ITGA7: variants seen among roughly 807,000 people sequenced by gnomAD.
ITGA7 encodes the protein integrin alpha-7.
Under a neutral mutation model 131.6 loss-of-function variants are expected in ITGA7, and 84 were observed. The ratio of observed to expected loss-of-function variants is 0.64; its 90% confidence interval spans 0.54 to 0.77. ITGA7 has a LOEUF of 0.77. ITGA7 is among the 30% of genes least tolerant of loss of function. The pLI, the probability that ITGA7 is intolerant of heterozygous loss-of-function variation, is 0.00. For synonymous variants in ITGA7, 548 were observed against 600.7 expected, an observed-to-expected ratio of 0.91 and a Z score of 1.28; for missense variants, 1,399 against 1,482.9, an observed-to-expected ratio of 0.94 and a Z score of 0.93.
upstream of ITGA7, among the ~76,000 whole-genome samples, chr12:55,709,083 A>C (rs575403218): frequency 2.7e-4 from 41 of 152,238 alleles, no homozygotes; most frequent in Non-Finnish European, 5.1e-4. Context: ...TTGTGAATAT[A>C]CATCTGTCCA....
chr12:55,699,910 G>T lies in ITGA7; in HGVS notation c.750C>A (p.Leu250=), dbSNP rs984557410. ...GGGCCAAGTCTCCGGCTGGTCCTGG[G>T]AGCCGGTCAGCAGGGTCCAAAGTTT... ...VYKTLDPADR[L]PGPAGDLALN... Residue 250 remains leucine (L), a synonymous_variant, in exon 5 of 25, where the codon CTC becomes CTA. Coordinates refer to ENST00000257879, the MANE Select transcript of ITGA7 (RefSeq NM_002206.3). 1 of 1,613,488 alleles carries T rather than the reference G, an allele frequency of 6.2e-7. No individual in the cohort carries two copies. The highest frequency in any genetic ancestry group is 8.5e-7 in the Non-Finnish European group (1 of 1,179,800).
At chr12:55,704,481 C>T (rs1425348189) in intron 1 of ITGA7, among the ~76,000 whole-genome samples, 1 of 152,138 alleles carries the variant, frequency 6.6e-6, no homozygotes, top group African/African-American at 2.4e-5. Flanking sequence ...CTGTGTCAGG[C>T]GCTGGTGAGA....
chr12:55,685,942 A>T (rs999552117), intron 24 of ITGA7, among the ~76,000 whole-genome samples: 1 of 152,146 alleles, frequency 6.6e-6, no homozygotes, highest in Non-Finnish European at 1.5e-5. Context: ...ATGCCCATAG[A>T]AAAAAGCATG....
intron 22 of ITGA7, 150 bp downstream of exon 22, chr12:55,688,694 G>A (rs941968828): frequency 2.2e-4 from 146 of 659,428 alleles, no homozygotes; most frequent in Non-Finnish European, 1.3e-4. Context: ...CTGCACTCCA[G>A]CCTGGGGGAC....
chr12:55,704,819 A>T (rs1260173028), intron 1 of ITGA7, among the ~76,000 whole-genome samples: 1 of 152,120 alleles, frequency 6.6e-6, no homozygotes. Context: ...AGGGAAGGAG[A>T]GAGTGGGGAG....
At chr12:55,696,833 G>A (rs998142146) in intron 12 of ITGA7, 66 bp downstream of exon 12, 15 of 1,575,664 alleles carry the variant, frequency 9.5e-6, no homozygotes, top group African/African-American at 2.7e-5. Flanking sequence ...AAGCAGCTAA[G>A]AGGAATCAGG....
chr12:55,693,088 C>A (rs1871812112), intron 20 of ITGA7, 53 bp downstream of exon 20: 2 of 1,610,538 alleles, frequency 1.2e-6, no homozygotes, highest in Non-Finnish European at 1.7e-6. Context: ...ACTACCCTTA[C>A]TCCCCATAAC....
chr12:55,707,694 T>G lies in ITGA7; in HGVS notation c.-12A>C. 3.8e-6 allele frequency: 6 copies of G among 1,562,124 alleles called. No individual in the cohort carries two copies. The highest frequency in any genetic ancestry group is 5.2e-6 in the Non-Finnish European group (6 of 1,152,956). On this transcript the variant is annotated 5_prime_UTR_variant, in exon 1 of 25. Coordinates refer to ENST00000257879, the MANE Select transcript of ITGA7 (RefSeq NM_002206.3). Reference sequence around the variant, plus strand: ...CGAGCCCCGGCCATGGGACGATCCCTGCGCGAGCTCCCAGCGAATGCAAGG... The same window carrying G: ...CGAGCCCCGGCCATGGGACGATCCCGGCGCGAGCTCCCAGCGAATGCAAGG...
upstream of ITGA7, chr12:55,716,007 C>T (rs1471172462): frequency 6.6e-6 from 10 of 1,514,300 alleles, no homozygotes; most frequent in South Asian, 1.2e-5. Context: ...CCCAAGGTCT[C>T]AAGAGGGCGG....
At position 55,693,297 on chromosome 12, in the gene ITGA7, C is replaced by A. The variant is rs138301131; in HGVS notation, c.2556G>T (p.Ser852=). ...YEVTVSNQGQ[S]LRTLGSAFLN... ...GGAAGGCAGAGCCCAGGGTTCTGAGCGACTGGCCTTGGTTGGAAACCTGTG... is the reference window on the plus strand; with the variant it reads ...GGAAGGCAGAGCCCAGGGTTCTGAGAGACTGGCCTTGGTTGGAAACCTGTG... Residue 852 remains serine, a synonymous_variant, in exon 20 of 25, where the codon TCG becomes TCT. Coordinates refer to ENST00000257879, the MANE Select transcript of ITGA7 (RefSeq NM_002206.3). The A allele has an allele frequency of 6.2e-7, 1 of 1,613,350 alleles. No homozygotes were observed. Among genetic ancestry groups the A allele is most frequent in the Admixed American group, 1.7e-5 (1 of 59,932 alleles).
chr12:55,714,284 G>C (rs1234249154), upstream of ITGA7, among the ~76,000 whole-genome samples: 2 of 151,968 alleles, frequency 1.3e-5, no homozygotes, highest in Non-Finnish European at 2.9e-5. Flanking sequence ...AGGCCGAGGC[G>C]GGCGGATCAC....
chr12:55,700,314 TC>T, intron 4 of ITGA7: 1 of 1,608,756 alleles, frequency 6.2e-7, no homozygotes, highest in African/African-American at 1.3e-5. Context: ...GCTCCTTCTC[TC>T]CCCCCGCCTC....
Position 55,688,824 on chromosome 12 carries a change from G to C in ITGA7, c.2958+20C>G. The C allele has an allele frequency of 6.4e-7, 1 of 1,573,156 alleles. No individual in the cohort carries two copies. The highest frequency in any genetic ancestry group is 8.7e-7 in the Non-Finnish European group (1 of 1,143,000). ...TTGGAGGAAGAAGAAACACAGACTA[G>C]AGCCGAGTGGTATCCTCACCTCCAG... is the stretch of plus-strand genomic sequence containing the variant. On this transcript the variant is annotated intron_variant, in intron 22 of 24. Transcript: ENST00000257879.
chr12:55,712,158 T>TG (rs1876179969), upstream of ITGA7: 1 of 1,551,388 alleles, frequency 6.4e-7, no homozygotes, highest in Non-Finnish European at 8.7e-7. Context: ...AACATAAATG[T>TG]GATTGAGGGA....
chr12:55,696,567 T>A (rs1872670705), intron 12 of ITGA7, 135 bp from the exon 13 acceptor site: 1 of 1,050,834 alleles, frequency 9.5e-7, no homozygotes, highest in African/African-American at 1.6e-5. Flanking sequence ...GGTGGAGAAC[T>A]GAGCAAGGAG....
chr12:55,697,856 A>C (rs1592449854), intron 8 of ITGA7, 34 bp from the exon 9 acceptor site: 1 of 1,613,244 alleles, frequency 6.2e-7, no homozygotes, highest in East Asian at 2.2e-5. Flanking sequence ...CCTCAATCCC[A>C]CCTCCCGCAG....
Position 55,697,431 on chromosome 12 carries a change from G to A in ITGA7, c.1505+20C>T, listed in dbSNP as rs1183541698. ...CAGGGGAAGCTGCCAGGGTCCAGGT[G>A]CCACCCGATCCCACCTCACCAGACC... is the stretch of plus-strand genomic sequence containing the variant. On this transcript the variant is annotated intron_variant, in intron 10 of 24. Coordinates refer to ENST00000257879, the MANE Select transcript of ITGA7 (RefSeq NM_002206.3). 3 of 1,611,178 alleles carry A rather than the reference G, an allele frequency of 1.9e-6. No homozygotes were observed. Among genetic ancestry groups the A allele is most frequent in the Middle Eastern group, 1.7e-4 (1 of 5,974 alleles).
chr12:55,705,174 T>A (rs1874914420), intron 1 of ITGA7, among the ~76,000 whole-genome samples: 1 of 151,642 alleles, frequency 6.6e-6, no homozygotes, highest in Non-Finnish European at 1.5e-5. Context: ...AGAAGCTGAG[T>A]GCATAGATAT....
chr12:55,695,251 C>T (rs1386893253), intron 14 of ITGA7: 3 of 596,898 alleles, frequency 5.0e-6, no homozygotes, highest in African/African-American at 3.7e-5. Context: ...TAATTCCTAC[C>T]TCACAGAGGT....
Sources: allele counts gnomAD v4.1 joint callset (sites outside exome capture counted in the v4.1 genomes callset), GRCh38; gene constraint gnomAD v4.1.1; transcripts MANE v1.5; gene names NCBI Gene and HGNC (gene_info 2026-07-23, HGNC 2026-07-21).